The following HIPK2 variants were observed in gnomAD, a reference collection of about 807,000 sequenced individuals.
HIPK2 encodes homeodomain interacting protein kinase 2.
In HIPK2, 27 loss-of-function variants were observed where a neutral mutation model predicts 113.7. That is an observed-to-expected ratio of 0.24 (90% confidence interval 0.17 to 0.33). The LOEUF (loss-of-function observed/expected upper bound fraction) is 0.33, where lower values mean the gene tolerates loss of function less well. Among genes scored for constraint, HIPK2 ranks in the 10% least tolerant of loss-of-function variants. The pLI, the probability that HIPK2 is intolerant of heterozygous loss-of-function variation, is 1.00. For missense variants in HIPK2, 1,257 were observed against 1,588.0 expected (o/e 0.79, Z 3.54); for synonymous variants, 631 against 642.2 (o/e 0.98, Z 0.26).
Position 139,687,744 on chromosome 7 carries a change from C to A in HIPK2, c.1103+28188G>T, listed in dbSNP as rs1794269705. On this transcript the variant is annotated intron_variant, in intron 2 of 14. Coordinates refer to ENST00000406875, the MANE Select transcript of HIPK2 (RefSeq NM_022740.5). The stretch of plus-strand genomic sequence containing the variant: ...CCTGGATTCCTAAACTTGCACACCT[C>A]AGGCAGTACAGGGCAGAGGAACCAG... Among the ~76,000 whole-genome samples, 3 of 152,316 alleles carry A rather than the reference C, an allele frequency of 2.0e-5. No homozygotes were observed. In the South Asian group the frequency reaches 6.2e-4, roughly 32 times the overall value.
At chr7:139,581,221 G>A (rs1214495533) in intron 13 of HIPK2, among the ~76,000 whole-genome samples, 1 of 151,592 alleles carries the variant, frequency 6.6e-6, no homozygotes, top group Non-Finnish European at 1.5e-5. Context: ...CTCCTCTCCG[G>A]AAAAAAAAGC....
At chr7:139,727,959 T>G (rs113958553) in intron 1 of HIPK2, among the ~76,000 whole-genome samples, 8 of 117,094 alleles carry the variant, frequency 6.8e-5, no homozygotes, top group Non-Finnish European at 1.5e-4. Context: ...TTTTTTTTTT[T>G]GAGACAGGGT....
chr7:139,573,377 C>G lies in HIPK2; in HGVS notation c.3147G>C (p.Thr1049=). ...NLSQAQQHIT[T]DRTGSHRRQQ... is the part of the protein sequence containing the mutation. Reference sequence around the variant, plus strand: ...GCCTTCGGTGGCTCCCAGTGCGGTCCGTGGTGATGTGCTGCTGAGCCTGGG... The same window carrying G: ...GCCTTCGGTGGCTCCCAGTGCGGTCGGTGGTGATGTGCTGCTGAGCCTGGG... The change falls in exon 15 of 15, where the codon ACG becomes ACC. Residue 1049 remains threonine, a synonymous_variant. Transcript: ENST00000406875. The G allele has an allele frequency of 1.2e-6, 2 of 1,603,688 alleles. No individual in the cohort carries two copies. Among genetic ancestry groups the G allele is most frequent in the Non-Finnish European group, 1.7e-6 (2 of 1,179,772 alleles).
At chr7:139,647,026 T>C (rs1801257113) in intron 2 of HIPK2, among the ~76,000 whole-genome samples, 1 of 152,104 alleles carries the variant, frequency 6.6e-6, no homozygotes, top group Non-Finnish European at 1.5e-5. Flanking sequence ...TAGCACTCCC[T>C]GCTGACTGAG....
intron 2 of HIPK2, among the ~76,000 whole-genome samples, chr7:139,668,349 C>T (rs1802131253): frequency 6.6e-6 from 1 of 151,992 alleles, no homozygotes; most frequent in Non-Finnish European, 1.5e-5. Context: ...ATCACGAGGT[C>T]AGGAGATCAA....
chr7:139,573,523 T>G, intron 14 of HIPK2, 126 bp from the exon 15 acceptor site: 1 of 853,090 alleles, frequency 1.2e-6, no homozygotes, highest in Non-Finnish European at 1.8e-6. Flanking sequence ...TAGAAGGGGC[T>G]TCCCTCTGTG....
In HIPK2 at chr7:139,683,853, G is replaced by C. The variant is rs1794133491; in HGVS notation, c.1103+32079C>G. On this transcript the variant is annotated intron_variant, in intron 2 of 14. Coordinates refer to ENST00000406875, the MANE Select transcript of HIPK2 (RefSeq NM_022740.5). This position sits in a 1 kb window ranked among gnomAD's most constrained non-coding sequence, Gnocchi z 4.2. ...AGGGCTACAAATACTTTAGAAAATAGTTTTAAACACTGAATGGGCTTGGAA... is the reference window on the plus strand; with the variant it reads ...AGGGCTACAAATACTTTAGAAAATACTTTTAAACACTGAATGGGCTTGGAA... Among the ~76,000 whole-genome samples the C allele has an allele frequency of 1.3e-5, 2 of 152,058 alleles. No individual in the cohort carries two copies. Among genetic ancestry groups the C allele is most frequent in the South Asian group, 4.1e-4 (2 of 4,826 alleles).
Position 139,613,174 on chromosome 7 carries a change from C to T in HIPK2, c.2112+28G>A. 6.2e-7 allele frequency: 1 copy of T among 1,612,356 alleles called. No homozygotes were observed. Among genetic ancestry groups the T allele is most frequent in the Non-Finnish European group, 8.5e-7 (1 of 1,179,140 alleles). On this transcript the variant is annotated intron_variant, in intron 9 of 14. Coordinates refer to ENST00000406875, the MANE Select transcript of HIPK2 (RefSeq NM_022740.5). The surrounding 1 kb of genome is among the most constrained non-coding windows in gnomAD (Gnocchi z 4.2). The stretch of plus-strand genomic sequence containing the variant: ...AACATTAACACAGGTAATGGTAATA[C>T]CAGTAATAATAAAGGAGAAAGAATT...
intron 2 of HIPK2, among the ~76,000 whole-genome samples, chr7:139,652,873 T>C (rs918553675): frequency 3.9e-5 from 6 of 152,122 alleles, no homozygotes; most frequent in African/African-American, 1.4e-4. Flanking sequence ...GCCGGCACGG[T>C]GGCTCACGCC....
chr7:139,578,740 G>A (rs936762089), intron 13 of HIPK2, among the ~76,000 whole-genome samples: 7 of 152,038 alleles, frequency 4.6e-5, no homozygotes, highest in African/African-American at 7.3e-5. Flanking sequence ...GTGCAATCTC[G>A]ACTCACTGCA....
At chr7:139,685,640 A>G (rs559031999) in intron 2 of HIPK2, among the ~76,000 whole-genome samples, 115 of 152,358 alleles carry the variant, frequency 7.5e-4, no homozygotes, top group African/African-American at 2.6e-3. Context: ...CTCATTTACC[A>G]TTCTGAAAAT....
chr7:139,633,075 G>A (rs1034580624), intron 2 of HIPK2, among the ~76,000 whole-genome samples: 6 of 105,162 alleles, frequency 5.7e-5, no homozygotes, highest in Middle Eastern at 0.011. Context: ...CAGCCTGGAC[G>A]ACAGAAATAG....
chr7:139,769,624 C>A (rs1361207069), intron 1 of HIPK2, among the ~76,000 whole-genome samples: 1 of 152,246 alleles, frequency 6.6e-6, no homozygotes, highest in South Asian at 2.1e-4. Flanking sequence ...AACACCAGAG[C>A]TTTGCCTATT....
chr7:139,767,047 G>A (rs748802689), intron 1 of HIPK2, among the ~76,000 whole-genome samples: 3 of 152,200 alleles, frequency 2.0e-5, no homozygotes, highest in African/African-American at 7.2e-5. Context: ...GTAGAATTGC[G>A]AAGAATGCTA....
At chr7:139,639,823 C>G (rs1800944626) in intron 2 of HIPK2, among the ~76,000 whole-genome samples, 1 of 152,222 alleles carries the variant, frequency 6.6e-6, no homozygotes, top group African/African-American at 2.4e-5. Flanking sequence ...TTCCCTGGAG[C>G]TGGCAATGCC....
intron 4 of HIPK2, 124 bp from the exon 5 acceptor site, chr7:139,629,163 C>A (rs1800530233): frequency 7.0e-6 from 5 of 717,732 alleles, no homozygotes; most frequent in Non-Finnish European, 7.2e-6. Flanking sequence ...GATTTTGATT[C>A]TTCAATGACC....
intron 1 of HIPK2, among the ~76,000 whole-genome samples, chr7:139,741,738 AT>A (rs144036684): frequency 0.071 from 10,769 of 152,168 alleles, 516 homozygotes; most frequent in East Asian, 0.17. Context: ...CTGTGCATTC[AT>A]TTTCTCAGTC....
intron 10 of HIPK2, 56 bp from the exon 11 acceptor site, chr7:139,600,652 C>G: frequency 6.4e-7 from 1 of 1,568,856 alleles, no homozygotes; most frequent in Non-Finnish European, 8.7e-7. Context: ...AGTAGAGCTC[C>G]TCTATAAGAT....
chr7:139,722,887 G>T (rs2116985611), intron 1 of HIPK2, among the ~76,000 whole-genome samples: 1 of 151,698 alleles, frequency 6.6e-6, no homozygotes, highest in South Asian at 2.1e-4. Flanking sequence ...TTTGGGACAG[G>T]ATCTCACTCT....
Sources: allele counts gnomAD v4.1 joint callset (sites outside exome capture counted in the v4.1 genomes callset), GRCh38; gene constraint gnomAD v4.1.1; non-coding constraint Gnocchi (gnomAD v3.1); transcripts MANE v1.5; gene names NCBI Gene and HGNC (gene_info 2026-07-23, HGNC 2026-07-21).